The following MED14 variants were observed in gnomAD, a reference collection of about 807,000 sequenced individuals.
MED14 encodes the protein mediator of RNA polymerase II transcription subunit 14.
A neutral mutation model predicts 109.0 loss-of-function variants in MED14; 8 were observed. That is an observed-to-expected ratio of 0.07 (90% CI 0.04 to 0.13). The LOEUF is 0.13. MED14 is among the 10% of genes least tolerant of loss of function. The pLI, the probability that MED14 is intolerant of heterozygous loss-of-function variation, is 1.00. For missense variants in MED14, 711 were observed against 1,142.4 expected (o/e 0.62, Z 5.44); for synonymous variants, 399 against 408.7 (o/e 0.98, Z 0.29).
chrX:40,696,873 T>C, intron 13 of MED14, 151 bp downstream of exon 13: 1 of 477,686 alleles, frequency 2.1e-6, no homozygotes, highest in Non-Finnish European at 3.5e-6. Context: ...AGACGTGACA[T>C]TCCTCTCTCC....
intron 16 of MED14, among the ~76,000 whole-genome samples, chrX:40,685,346 G>A (rs928294829): frequency 1.3e-4 from 14 of 111,817 alleles, no homozygotes; most frequent in African/African-American, 4.6e-4. Context: ...GCAAAACCAG[G>A]GAGATCACTG....
chrX:40,709,716 T>C (rs1196890767), intron 9 of MED14, among the ~76,000 whole-genome samples: 3 of 112,036 alleles, frequency 2.7e-5, no homozygotes, highest in East Asian at 2.8e-4. Context: ...AAATCAGTTA[T>C]GGTGCTCTAA....
intron 21 of MED14, among the ~76,000 whole-genome samples, chrX:40,677,580 A>T (rs767455853): frequency 1.8e-5 from 2 of 112,098 alleles, no homozygotes; most frequent in Middle Eastern, 4.7e-3. Context: ...TTTTGAAAAA[A>T]TTTTTTAAAG....
chrX:40,734,954 C>G (rs1932200643), intron 1 of MED14, among the ~76,000 whole-genome samples: 1 of 111,892 alleles, frequency 8.9e-6, no homozygotes, highest in African/African-American at 3.3e-5. Flanking sequence ...AAAAATTTCA[C>G]ACAATTTTCA....
chrX:40,699,564 T>C (rs1365026820), intron 12 of MED14, among the ~76,000 whole-genome samples: 1 of 111,978 alleles, frequency 8.9e-6, no homozygotes, highest in African/African-American at 3.2e-5. Flanking sequence ...AGGCACACAT[T>C]TGGTGAGTTA....
At chrX:40,701,303 G>C in intron 11 of MED14, 60 bp from the exon 12 acceptor site, 1 of 723,779 alleles carries the variant, frequency 1.4e-6, no homozygotes, top group Non-Finnish European at 2.1e-6. Flanking sequence ...TCTTTATCTA[G>C]GTAGTGTAAA....
chrX:40,650,626 C>A lies in MED14; in HGVS notation c.*1180G>T. ...GACAGCACAGTGCTCCAAAAAGAAA[C>A]CCTGCAGAGATGTATTAATACCAAA... On this transcript the variant is annotated 3_prime_UTR_variant, in exon 31 of 31. Coordinates refer to ENST00000324817, the MANE Select transcript of MED14 (RefSeq NM_004229.4). 1.7e-5 allele frequency: 13 copies of A among 754,130 alleles called. No individual in the cohort carries two copies. The highest frequency in any genetic ancestry group is 2.0e-5 in the Non-Finnish European group (13 of 639,289). The allele number at this position is 754,130 out of a possible 1,213,427, so 62.1% of individuals were successfully genotyped here.
chrX:40,669,431 G>A (rs1407135859), intron 23 of MED14, among the ~76,000 whole-genome samples: 7 of 111,205 alleles, frequency 6.3e-5, no homozygotes, highest in African/African-American at 2.3e-4. Flanking sequence ...CCCTAGACAT[G>A]ACAACAACAA....
chrX:40,724,637 T>C (rs1931837049), intron 3 of MED14, among the ~76,000 whole-genome samples: 1 of 111,321 alleles, frequency 9.0e-6, no homozygotes, highest in Non-Finnish European at 1.9e-5. Flanking sequence ...TAAATGATAA[T>C]GGAAACACAA....
At chrX:40,673,617 C>T (rs760814688) in intron 22 of MED14, among the ~76,000 whole-genome samples, 6 of 110,654 alleles carry the variant, frequency 5.4e-5, no homozygotes, top group Non-Finnish European at 1.1e-4. Flanking sequence ...CAGGCCAAGG[C>T]GGGCAGATTA....
chrX:40,683,461 G>T (rs1930194837), intron 16 of MED14, among the ~76,000 whole-genome samples: 2 of 112,176 alleles, frequency 1.8e-5, no homozygotes, highest in African/African-American at 6.5e-5. Context: ...CTACAAAATA[G>T]AGATGAAGAA....
At chrX:40,666,970 T>A (rs1018012383) in intron 23 of MED14, 119 bp from the exon 24 acceptor site, 8 of 582,655 alleles carry the variant, frequency 1.4e-5, no homozygotes, top group African/African-American at 2.3e-5. Context: ...CTCCCATATA[T>A]ATAACACAGA....
intron 26 of MED14, 194 bp from the exon 27 acceptor site, chrX:40,659,801 G>T: frequency 2.8e-6 from 1 of 361,705 alleles, no homozygotes; most frequent in Non-Finnish European, 4.7e-6. Context: ...CTTGATGGAA[G>T]AACATAACTC....
chrX:40,663,254 A>G (rs1929352570), intron 25 of MED14, 94 bp from the exon 26 acceptor site: 1 of 692,286 alleles, frequency 1.4e-6, no homozygotes, highest in Admixed American at 2.9e-5. Context: ...GATGTTCTAA[A>G]TCATTCTGTA....
chrX:40,674,604 T>C (rs1929850518), intron 22 of MED14, among the ~76,000 whole-genome samples: 1 of 112,056 alleles, frequency 8.9e-6, no homozygotes, highest in Admixed American at 9.4e-5. Flanking sequence ...GCCCAGAGTC[T>C]ACAGCCCCAT....
chrX:40,652,910 G>A (rs1462422185), intron 30 of MED14, among the ~76,000 whole-genome samples: 1 of 111,626 alleles, frequency 9.0e-6, no homozygotes, highest in East Asian at 2.8e-4. Context: ...GGCAGGATGT[G>A]CAGTGATCCT....
chrX:40,680,427 T>C (rs767143881), intron 20 of MED14, among the ~76,000 whole-genome samples: 141 of 111,874 alleles, frequency 1.3e-3, no homozygotes, highest in African/African-American at 4.5e-3. Context: ...TTTTGTTTGT[T>C]TGTTTTTTGA....
intron 13 of MED14, 136 bp from the exon 14 acceptor site, chrX:40,693,038 T>C: frequency 4.3e-6 from 2 of 459,934 alleles, no homozygotes; most frequent in South Asian, 6.8e-5. Context: ...AAATCAATCG[T>C]ATCAAAAAAA....
Position 40,651,279 on chromosome X carries a change from G to A in MED14, c.*527C>T, listed in dbSNP as rs1005320459. The A allele has an allele frequency of 6.1e-5, 46 of 752,425 alleles. No homozygotes were observed. The Admixed American group carries it at 3.8e-3, about 62-fold the overall frequency. The allele number at this position is 752,425 out of a possible 1,213,427, so 62.0% of individuals were successfully genotyped here. Reference sequence around the variant, plus strand: ...CAAGTGAGTGTCACTGTTTTGTTTTGTTTTTGACCTAGTTTTATTAAATAT... The same window carrying A: ...CAAGTGAGTGTCACTGTTTTGTTTTATTTTTGACCTAGTTTTATTAAATAT... On this transcript the variant is annotated 3_prime_UTR_variant, in exon 31 of 31. Coordinates refer to ENST00000324817, the MANE Select transcript of MED14 (RefSeq NM_004229.4).
Sources: allele counts gnomAD v4.1 joint callset (sites outside exome capture counted in the v4.1 genomes callset), GRCh38; gene constraint gnomAD v4.1.1; transcripts MANE v1.5; gene names NCBI Gene and HGNC (gene_info 2026-07-23, HGNC 2026-07-21).